The following GALNT13 variants were observed in gnomAD, a reference collection of about 807,000 sequenced individuals.
The protein encoded by GALNT13 is UDP-GalNAc:polypeptide N-acetylgalactosaminyltransferase 13.
Under a neutral mutation model 64.2 loss-of-function variants are expected in GALNT13, and 28 were observed. The ratio of observed to expected loss-of-function variants is 0.44; its 90% CI spans 0.32 to 0.60. The LOEUF is 0.60. GALNT13 is among the 20% of genes least tolerant of loss of function. The pLI is 0.05. For missense variants in GALNT13, 577 were observed against 669.8 expected, an observed-to-expected ratio of 0.86 and a Z score of 1.53; for synonymous variants, 214 against 224.6, an observed-to-expected ratio of 0.95 and a Z score of 0.42.
chr2:153,868,207 T>C (rs1574006203), upstream of GALNT13, among the ~76,000 whole-genome samples: 1 of 152,322 alleles, frequency 6.6e-6, no homozygotes, highest in Admixed American at 6.5e-5. Context: ...AAGTGCTCAA[T>C]GTATATTCAT....
intron 2 of GALNT13, among the ~76,000 whole-genome samples, chr2:153,922,045 G>A (rs538999083): frequency 6.6e-6 from 1 of 152,274 alleles, no homozygotes; most frequent in East Asian, 1.9e-4. Flanking sequence ...GTATCGGTTA[G>A]TGGGTTTTAT....
At chr2:153,987,183 A>T (rs185727257) in intron 3 of GALNT13, among the ~76,000 whole-genome samples, 34 of 152,112 alleles carry the variant, frequency 2.2e-4, no homozygotes, top group Admixed American at 1.6e-3. Context: ...TGAGAGCCGG[A>T]TCTCTGGCCT....
the GALNT13 span, among the ~76,000 whole-genome samples, chr2:153,537,350 C>A: frequency 1.3e-5 from 2 of 152,128 alleles, no homozygotes; most frequent in African/African-American, 4.8e-5. Flanking sequence ...AACCACCAGG[C>A]AAGAGCTTGA....
At chr2:153,380,395 A>C in the GALNT13 span, among the ~76,000 whole-genome samples, 4 of 152,092 alleles carry the variant, frequency 2.6e-5, no homozygotes, top group Non-Finnish European at 5.9e-5. Context: ...TTGCTTAAGC[A>C]CAAGAATTTG....
chr2:153,706,206 A>T, the GALNT13 span, among the ~76,000 whole-genome samples: 1 of 152,018 alleles, frequency 6.6e-6, no homozygotes, highest in Non-Finnish European at 1.5e-5. Context: ...CATGTTGGCC[A>T]AGATGGTCTG....
chr2:153,721,289 C>A, the GALNT13 span, among the ~76,000 whole-genome samples: 2 of 146,322 alleles, frequency 1.4e-5, no homozygotes, highest in African/African-American at 5.3e-5. Flanking sequence ...CCAGGCCTGC[C>A]CTAAAAGAGC....
At chr2:153,738,000 A>G in the GALNT13 span, among the ~76,000 whole-genome samples, 8 of 152,002 alleles carry the variant, frequency 5.3e-5, no homozygotes, top group South Asian at 2.1e-4. Context: ...GTGTTTAACT[A>G]TATCTAATGT....
chr2:154,185,552 T>C (rs917037028), intron 4 of GALNT13, among the ~76,000 whole-genome samples: 17 of 151,932 alleles, frequency 1.1e-4, no homozygotes, highest in African/African-American at 3.9e-4. Flanking sequence ...TGTTTTTACT[T>C]TTTGTTTCTT....
At chr2:153,802,359 T>G in the GALNT13 span, among the ~76,000 whole-genome samples, 4 of 152,226 alleles carry the variant, frequency 2.6e-5, no homozygotes, top group African/African-American at 9.6e-5. Context: ...CATATTATAA[T>G]GAAAATCACA....
the GALNT13 span, among the ~76,000 whole-genome samples, chr2:153,713,159 G>C: frequency 6.6e-6 from 1 of 152,048 alleles, no homozygotes; most frequent in Non-Finnish European, 1.5e-5. Flanking sequence ...ATATTAGCTG[G>C]TATAGTAATA....
chr2:154,434,724 T>G (rs1180471311), intron 11 of GALNT13, among the ~76,000 whole-genome samples: 2 of 152,116 alleles, frequency 1.3e-5, no homozygotes, highest in African/African-American at 4.8e-5. Context: ...CTCATAATTT[T>G]ACAGTTGAGA....
chr2:153,339,935 C>T, the GALNT13 span, among the ~76,000 whole-genome samples: 1 of 152,026 alleles, frequency 6.6e-6, no homozygotes, highest in South Asian at 2.1e-4. Context: ...TTTCTGGGCT[C>T]TTTGTTCCGT....
intron 2 of GALNT13, among the ~76,000 whole-genome samples, chr2:153,916,055 A>G (rs978791153): frequency 6.6e-6 from 1 of 151,996 alleles, no homozygotes; most frequent in Admixed American, 6.6e-5. Context: ...TAGGAATTAC[A>G]TTGAGGTGAT....
chr2:153,772,593 A>T, the GALNT13 span, among the ~76,000 whole-genome samples: 2 of 152,196 alleles, frequency 1.3e-5, no homozygotes, highest in African/African-American at 4.8e-5. Flanking sequence ...GTTTATCTTT[A>T]TGCACTGTTT....
chr2:154,220,177 A>T (rs1419772187), intron 4 of GALNT13, among the ~76,000 whole-genome samples: 2 of 152,064 alleles, frequency 1.3e-5, no homozygotes, highest in African/African-American at 4.8e-5. Flanking sequence ...TGAGTACTAG[A>T]ATCATGTTGA....
the GALNT13 span, among the ~76,000 whole-genome samples, chr2:153,136,848 CCACACACACA>C: frequency 2.0e-5 from 3 of 148,330 alleles, no homozygotes; most frequent in Admixed American, 2.1e-4. Flanking sequence ...GGTGTTTGCA[CCACACACACA>C]CACACACACA....
At chr2:153,484,972 C>A in the GALNT13 span, among the ~76,000 whole-genome samples, 1 of 152,156 alleles carries the variant, frequency 6.6e-6, no homozygotes, top group African/African-American at 2.4e-5. Flanking sequence ...GTTTTTACTG[C>A]ATAACCCCAG....
At chr2:153,515,798 T>C in the GALNT13 span, among the ~76,000 whole-genome samples, 1 of 152,128 alleles carries the variant, frequency 6.6e-6, no homozygotes, top group Non-Finnish European at 1.5e-5. Flanking sequence ...AAGAGAATGT[T>C]ATATGTTGAA....
At chr2:153,384,003 C>T in the GALNT13 span, among the ~76,000 whole-genome samples, 28 of 151,926 alleles carry the variant, frequency 1.8e-4, no homozygotes, top group African/African-American at 6.5e-4. Flanking sequence ...TTTGAATTCA[C>T]ATCAGAACTT....
Sources: gnomAD v4.1 joint callset for allele counts (sites outside exome capture counted in the v4.1 genomes callset) on GRCh38, gnomAD v4.1.1 for gene constraint, MANE v1.5 for transcripts, NCBI Gene and HGNC (gene_info 2026-07-23, HGNC 2026-07-21) for gene names.